Variants in ZNF676 observed in about 807,000 individuals in gnomAD.
The protein encoded by ZNF676 is zinc finger protein 676.
ZNF676 carries 4 observed loss-of-function variants against 6.0 expected under a neutral mutation model. The observed-to-expected ratio is 0.67, with a 90% CI of 0.33 to 1.53. The LOEUF (loss-of-function observed/expected upper bound fraction) is 1.53, where lower values mean the gene tolerates loss of function less well. Among genes scored for constraint, ZNF676 ranks in the 40% most tolerant of loss-of-function variants. The pLI is 0.06. For synonymous variants in ZNF676, 198 were observed against 223.1 expected, an observed-to-expected ratio of 0.89 and a Z score of 1.00; for missense variants, 644 against 679.7, an observed-to-expected ratio of 0.95 and a Z score of 0.58.
chr19:22,202,408 A>G (rs1325519992), intron 1 of ZNF676, among the ~76,000 whole-genome samples: 4 of 152,226 alleles, frequency 2.6e-5, no homozygotes, highest in Non-Finnish European at 5.9e-5. Flanking sequence ...CTGCATATTT[A>G]GGGTACAGCA....
the ZNF676 span, among the ~76,000 whole-genome samples, chr19:22,239,992 A>G: frequency 1.3e-5 from 2 of 152,240 alleles, no homozygotes; most frequent in Non-Finnish European, 2.9e-5. Context: ...AGTAGGGATC[A>G]TGGAAAAGAG....
intron 2 of ZNF676, among the ~76,000 whole-genome samples, chr19:22,189,427 AC>A (rs1249032165): frequency 6.6e-6 from 1 of 152,120 alleles, no homozygotes; most frequent in Non-Finnish European, 1.5e-5. Context: ...CTAGAAGAAA[AC>A]CTAGAGAATA....
At chr19:22,186,055 T>C (rs148861971) in intron 2 of ZNF676, among the ~76,000 whole-genome samples, 141 of 151,982 alleles carry the variant, frequency 9.3e-4, no homozygotes, top group Admixed American at 1.7e-3. Context: ...TCCTCAAGAA[T>C]AGCAACCCCA....
At chr19:22,221,842 A>C in the ZNF676 span, among the ~76,000 whole-genome samples, 1 of 151,988 alleles carries the variant, frequency 6.6e-6, no homozygotes, top group Non-Finnish European at 1.5e-5. Context: ...TATATTCTGC[A>C]GTTGTTGGGT....
chr19:22,218,913 G>T (rs1484817961), upstream of ZNF676, among the ~76,000 whole-genome samples: 2 of 149,018 alleles, frequency 1.3e-5, no homozygotes, highest in East Asian at 2.1e-4. Context: ...AGATTTTTTT[G>T]TGTGTTTTTG....
chr19:22,258,885 G>A, the ZNF676 span, among the ~76,000 whole-genome samples: 1 of 152,176 alleles, frequency 6.6e-6, no homozygotes, highest in South Asian at 2.1e-4. Context: ...ACAGCTGCAG[G>A]GTGGTCCATA....
upstream of ZNF676, among the ~76,000 whole-genome samples, chr19:22,217,718 G>C (rs2024208111): frequency 6.7e-6 from 1 of 149,390 alleles, no homozygotes; most frequent in African/African-American, 2.5e-5. Flanking sequence ...TTGTTTGTTT[G>C]TTTGTTTTTG....
At chr19:22,243,874 A>T in the ZNF676 span, 4 of 152,206 alleles carry the variant, frequency 2.6e-5, no homozygotes, top group African/African-American at 9.6e-5. Flanking sequence ...TCAGGAGCTC[A>T]CTAGCTGGCT....
chr19:22,197,148 C>G (rs1391193106), upstream of ZNF676, among the ~76,000 whole-genome samples: 1 of 151,920 alleles, frequency 6.6e-6, no homozygotes. Context: ...CATGGTGAAA[C>G]CCCGTCTCTA....
the ZNF676 span, among the ~76,000 whole-genome samples, chr19:22,250,133 G>A: frequency 6.6e-6 from 1 of 150,524 alleles, no homozygotes; most frequent in Admixed American, 6.6e-5. Context: ...AGTGAGCCAA[G>A]ATCATGCCAC....
chr19:22,230,816 A>T, the ZNF676 span, among the ~76,000 whole-genome samples: 1 of 151,456 alleles, frequency 6.6e-6, no homozygotes, highest in African/African-American at 2.4e-5. Context: ...CCGCCACCAC[A>T]CCCGGCTAAT....
At chr19:22,198,374 A>G (rs923312147), upstream of ZNF676, among the ~76,000 whole-genome samples, 1 of 152,222 alleles carries the variant, frequency 6.6e-6, no homozygotes, top group African/African-American at 2.4e-5. Context: ...TTATTGTAAG[A>G]ATTTTTTAAA....
In ZNF676 at chr19:22,196,709, C is replaced by T. The variant is rs2023971219; in HGVS notation, c.-76G>A. The T allele has an allele frequency of 4.0e-5, 65 of 1,609,686 alleles. 1 individual carries two copies. In the South Asian group the frequency reaches 6.7e-4, roughly 17 times the overall value. On this transcript the variant is annotated 5_prime_UTR_variant, in exon 1 of 3. Coordinates refer to ENST00000397121, the MANE Select transcript of ZNF676 (RefSeq NM_001001411.3). ...CCAGAGAGAATTCTATGGCCACATC[C>T]CTAAATGTCAATGCTCCCTGGAAAA...
chr19:22,198,375 A>G (rs2023992272), upstream of ZNF676, among the ~76,000 whole-genome samples: 1 of 152,180 alleles, frequency 6.6e-6, no homozygotes, highest in South Asian at 2.1e-4. Context: ...TATTGTAAGA[A>G]TTTTTTAAAG....
chr19:22,180,152 T>A lies in ZNF676; in HGVS notation c.1565A>T (p.Glu522Val). 6.2e-7 allele frequency: 1 copy of A among 1,613,388 alleles called. No individual in the cohort carries two copies. The highest frequency in any genetic ancestry group is 8.5e-7 in the Non-Finnish European group (1 of 1,179,844). The stretch of plus-strand genomic sequence containing the variant: ...CTCTCCAGTATGAATTATCTTATGT[T>A]CAGTAAGGATCGAGGACCAGCTGAA... The part of the protein sequence containing the change: ...KAFSWSSILT[E>V]HKIIHTGEKP... Residue 522 changes from glutamate (E) to valine (V), a missense_variant, in exon 3 of 3, where the codon GAA becomes GTA. Physicochemically the swap from Glu to Val is moderately radical, Grantham distance 121. This residue lies in a region of ZNF676 where 306 missense variants were observed against 265.4 expected (regional missense o/e 1.15). Coordinates refer to ENST00000397121, the MANE Select transcript of ZNF676 (RefSeq NM_001001411.3).
chr19:22,205,878 AT>A (rs1194879255), intron 1 of ZNF676, among the ~76,000 whole-genome samples: 7 of 152,070 alleles, frequency 4.6e-5, no homozygotes, highest in Non-Finnish European at 1.0e-4. Flanking sequence ...CATTAAATCT[AT>A]TTAAAAAAAG....
At chr19:22,214,274 C>G (rs763064908) in intron 1 of ZNF676, among the ~76,000 whole-genome samples, 1 of 152,106 alleles carries the variant, frequency 6.6e-6, no homozygotes, top group Admixed American at 6.6e-5. Flanking sequence ...AATTAAGTGG[C>G]TGGCAGTTAG....
chr19:22,189,712 G>A (rs1156794478), intron 2 of ZNF676, among the ~76,000 whole-genome samples: 2 of 151,970 alleles, frequency 1.3e-5, no homozygotes, highest in Non-Finnish European at 2.9e-5. Context: ...TTGGGCAAAG[G>A]ATATGAACAG....
chr19:22,229,750 GCTCA>G, the ZNF676 span, among the ~76,000 whole-genome samples: 1 of 152,170 alleles, frequency 6.6e-6, no homozygotes, highest in African/African-American at 2.4e-5. Context: ...ATGAAAAAAA[GCTCA>G]CTGTCACTAG....
Sources: allele counts gnomAD v4.1 joint callset (sites outside exome capture counted in the v4.1 genomes callset), GRCh38; gene constraint gnomAD v4.1.1; regional missense constraint gnomAD v4.1.1; transcripts MANE v1.5; gene names NCBI Gene and HGNC (gene_info 2026-07-23, HGNC 2026-07-21).